Variants in SGK1 observed in about 807,000 individuals in gnomAD.
The protein encoded by SGK1 is serum/glucocorticoid regulated kinase 1.
Under a neutral mutation model 64.2 loss-of-function variants are expected in SGK1, and 26 were observed. The observed-to-expected ratio is 0.40, with a 90% CI of 0.30 to 0.56. SGK1 has a LOEUF of 0.56. Among genes scored for constraint, SGK1 ranks in the 20% least tolerant of loss-of-function variants. The probability of loss-of-function intolerance (pLI) is 0.38; values close to 1 mark genes in which losing one functional copy is unlikely to be tolerated. For synonymous variants in SGK1, 265 were observed against 239.7 expected (o/e 1.11, Z -0.98); for missense variants, 519 against 645.6 (o/e 0.80, Z 2.12).
At chr6:134,198,237 A>G (rs910068707) in intron 3 of SGK1, among the ~76,000 whole-genome samples, 1 of 152,254 alleles carries the variant, frequency 6.6e-6, no homozygotes, top group African/African-American at 2.4e-5. Context: ...TGAGTAAACA[A>G]GGTTAGTCAA....
rs1162010104 is a variant in SGK1, at chr6:134,169,472, A to T, written c.*796T>A. The T allele has an allele frequency of 6.7e-6, 1 of 150,172 alleles. No homozygotes were observed. The highest frequency in any genetic ancestry group is 1.5e-5 in the Non-Finnish European group (1 of 66,984). 9.3% of individuals were successfully genotyped at this position (150,172 alleles called of 1,614,324 possible). The stretch of plus-strand genomic sequence containing the variant: ...TATACAATACATACAATTATCAGGA[A>T]TGCAAAAAAAAAAACATAAATAATG... On this transcript the variant is annotated 3_prime_UTR_variant, in exon 14 of 14. Transcript: ENST00000367858.
intron 8 of SGK1, 120 bp from the exon 9 acceptor site, chr6:134,172,894 C>T: frequency 7.9e-7 from 1 of 1,262,966 alleles, no homozygotes; most frequent in Non-Finnish European, 1.1e-6. Flanking sequence ...ATAAACCTGA[C>T]AGGTTGAAGG....
chr6:134,203,636 T>A (rs1053278564), intron 3 of SGK1, among the ~76,000 whole-genome samples: 1 of 152,284 alleles, frequency 6.6e-6, no homozygotes, highest in Admixed American at 6.5e-5. Flanking sequence ...ATGTGAAAAG[T>A]AGGCTTTAGA....
chr6:134,176,500 G>A (rs1582689896), intron 3 of SGK1, among the ~76,000 whole-genome samples: 1 of 152,228 alleles, frequency 6.6e-6, no homozygotes, highest in Non-Finnish European at 1.5e-5. Context: ...GCCGGCGCGG[G>A]GACGTGAGCC....
At chr6:134,302,278 G>C (rs867984846) in intron 1 of SGK1, among the ~76,000 whole-genome samples, 10 of 152,248 alleles carry the variant, frequency 6.6e-5, no homozygotes, top group Middle Eastern at 3.4e-3. Flanking sequence ...AACTAAAAAA[G>C]CAGAGTAATT....
At chr6:134,254,738 C>A (rs1776655238) in intron 2 of SGK1, among the ~76,000 whole-genome samples, 1 of 152,116 alleles carries the variant, frequency 6.6e-6, no homozygotes, top group African/African-American at 2.4e-5. Flanking sequence ...CATAGATAAA[C>A]ACACATATAT....
intron 2 of SGK1, among the ~76,000 whole-genome samples, chr6:134,210,760 C>T (rs1023686619): frequency 1.8e-4 from 26 of 141,682 alleles, no homozygotes; most frequent in African/African-American, 6.8e-4. Flanking sequence ...TGAGGTGAGC[C>T]GAGATTGTGT....
At chr6:134,315,015 G>A (rs752959718) in intron 1 of SGK1, among the ~76,000 whole-genome samples, 3 of 152,112 alleles carry the variant, frequency 2.0e-5, no homozygotes, top group Non-Finnish European at 2.9e-5. Flanking sequence ...ATAAACATCA[G>A]TATGGTAACA....
rs1776555825 is a variant in SGK1 at position 134,248,351 on chromosome 6, T to G, written c.285+13582A>C. Among the ~76,000 whole-genome samples, 5 of 151,768 alleles carry G rather than the reference T, an allele frequency of 3.3e-5. No individual in the cohort carries two copies. The South Asian group carries it at 1.0e-3, about 31-fold the overall frequency. On this transcript the variant is annotated intron_variant, in intron 2 of 13. Coordinates refer to ENST00000367858, the MANE Select transcript of SGK1 (RefSeq NM_001143676.3). ...TAGCAAAATGTAGCTCAAACCACAG[T>G]TAACATTGATACAAGGTCAATAATG... is the stretch of plus-strand genomic sequence containing the variant.
In SGK1 at chr6:134,173,534, C is replaced by G. The variant is rs148824003; in HGVS notation, c.546G>C (p.Pro182=). Residue 182 remains proline, a synonymous_variant, in exon 6 of 14, where the codon CCG becomes CCC. Transcript: ENST00000367858. ...ATGGTTTAGCATGAGGATTGGACGA[C>G]GGGCCAAGGTTGATTTGCTGAGAAG... ...PSPSQQINLG[P]SSNPHAKPSD... The G allele has an allele frequency of 6.2e-7, 1 of 1,609,342 alleles. No individual in the cohort carries two copies.
intron 3 of SGK1, among the ~76,000 whole-genome samples, chr6:134,188,684 C>T (rs1016115101): frequency 6.6e-6 from 1 of 152,058 alleles, no homozygotes; most frequent in Non-Finnish European, 1.5e-5. Flanking sequence ...CCTGAGGATT[C>T]CACACCTTCA....
In SGK1 at chr6:134,226,929, C is replaced by T. The variant is rs185495241; in HGVS notation, c.286-19498G>A. ...CCTTGAACTCCTGGCCTCAAGCCAT[C>T]CTCACACTTTGGCCTCCCAGAATGC... On this transcript the variant is annotated intron_variant, in intron 2 of 13. Transcript: ENST00000367858. Among the ~76,000 whole-genome samples, 202 of 152,192 alleles carry T rather than the reference C, an allele frequency of 1.3e-3. 2 individuals carry two copies. In the East Asian group the frequency reaches 0.031, roughly 23 times the overall value.
chr6:134,269,276 C>A (rs1007043155), intron 1 of SGK1, among the ~76,000 whole-genome samples: 2 of 140,564 alleles, frequency 1.4e-5, no homozygotes, highest in South Asian at 2.3e-4. Flanking sequence ...TCCAAACAGG[C>A]ATTTTTTTTT....
intron 1 of SGK1, among the ~76,000 whole-genome samples, chr6:134,264,121 CT>C (rs61245102): frequency 0.031 from 4,344 of 140,092 alleles, 111 homozygotes; most frequent in African/African-American, 0.072. Flanking sequence ...TCTTTTCTTT[CT>C]TTTTTTTTTT....
chr6:134,177,267 T>C (rs1775259155), intron 3 of SGK1, among the ~76,000 whole-genome samples: 1 of 151,986 alleles, frequency 6.6e-6, no homozygotes, highest in Non-Finnish European at 1.5e-5. Context: ...AAAACACTAG[T>C]ACCTGAAATT....
At chr6:134,297,652 A>G (rs2039594) in intron 1 of SGK1, 207,079 of 430,042 alleles carry the variant, frequency 0.48, 52,499 homozygotes, top group East Asian at 0.91. Flanking sequence ...ACAGGCGTGC[A>G]CCACCACCCC....
chr6:134,237,970 A>ATC (rs1234337242), intron 2 of SGK1, among the ~76,000 whole-genome samples: 1 of 152,204 alleles, frequency 6.6e-6, no homozygotes, highest in Non-Finnish European at 1.5e-5. Context: ...ATACCAGAAA[A>ATC]AGTGTGTAAA....
chr6:134,182,232 T>C (rs1775342612), intron 3 of SGK1, among the ~76,000 whole-genome samples: 1 of 152,100 alleles, frequency 6.6e-6, no homozygotes, highest in South Asian at 2.1e-4. Context: ...GAGTTATACC[T>C]GCCTCATATA....
intron 1 of SGK1, among the ~76,000 whole-genome samples, chr6:134,301,582 T>TCTTCTCTTCC (rs1472801606): frequency 4.6e-5 from 5 of 108,208 alleles, no homozygotes; most frequent in African/African-American, 1.5e-4. Flanking sequence ...TCTTCTCTTC[T>TCTTCTCTTCC]CTTCCCTTCT....
Sources: allele counts gnomAD v4.1 joint callset (sites outside exome capture counted in the v4.1 genomes callset), GRCh38; gene constraint gnomAD v4.1.1; transcripts MANE v1.5; gene names NCBI Gene and HGNC (gene_info 2026-07-23, HGNC 2026-07-21).